LIPC: variants seen among roughly 807,000 people sequenced by gnomAD.
LIPC encodes the protein lipase C, hepatic type.
Under a neutral mutation model 50.7 loss-of-function variants are expected in LIPC, and 44 were observed. That is an observed-to-expected ratio of 0.87 (90% confidence interval 0.68 to 1.11). LIPC has a LOEUF of 1.11. LIPC is among the 50% of genes most tolerant of loss of function. The probability of loss-of-function intolerance (pLI) is 0.00; values close to 1 mark genes in which losing one functional copy is unlikely to be tolerated. For missense variants in LIPC, 697 were observed against 648.2 expected, an observed-to-expected ratio of 1.08 and a Z score of -0.82; for synonymous variants, 271 against 256.4, an observed-to-expected ratio of 1.06 and a Z score of -0.54.
intron 1 of LIPC, among the ~76,000 whole-genome samples, chr15:58,481,883 CCA>C (rs772551793): frequency 6.6e-6 from 1 of 152,148 alleles, no homozygotes; most frequent in Non-Finnish European, 1.5e-5. Context: ...AAGGTGCCAA[CCA>C]GTATGCATGG....
At chr15:58,457,845 T>C (rs1247058297) in intron 1 of LIPC, among the ~76,000 whole-genome samples, 3 of 152,184 alleles carry the variant, frequency 2.0e-5, no homozygotes, top group African/African-American at 7.2e-5. Context: ...CACAATTCCT[T>C]TTCCACTCTA....
intron 1 of LIPC, among the ~76,000 whole-genome samples, chr15:58,448,709 T>C (rs762471106): frequency 5.3e-5 from 8 of 152,222 alleles, no homozygotes; most frequent in Non-Finnish European, 1.2e-4. Context: ...AATGCTAGTA[T>C]TGTCCCCATT....
At chr15:58,484,710 TCCTACC>T (rs1164430462) in intron 1 of LIPC, among the ~76,000 whole-genome samples, 3 of 12,116 alleles carry the variant, frequency 2.5e-4, no homozygotes, top group Non-Finnish European at 4.9e-4. Context: ...GGGCCCACAC[TCCTACC>T]GTCGGGCCAC....
chr15:58,501,659 G>C (rs773069129), intron 1 of LIPC, among the ~76,000 whole-genome samples: 1 of 152,074 alleles, frequency 6.6e-6, no homozygotes, highest in African/African-American at 2.4e-5. Flanking sequence ...AACTTGCCGT[G>C]AATATATTTA....
At chr15:58,438,226 C>G (rs1165968469) in intron 1 of LIPC, among the ~76,000 whole-genome samples, 2 of 152,122 alleles carry the variant, frequency 1.3e-5, no homozygotes, top group African/African-American at 4.8e-5. Context: ...GTTGGCACAG[C>G]AGGGAGAGAG....
At chr15:58,523,549 G>A (rs1892715789) in intron 1 of LIPC, among the ~76,000 whole-genome samples, 1 of 151,648 alleles carries the variant, frequency 6.6e-6, no homozygotes, top group African/African-American at 2.4e-5. Flanking sequence ...TGCAGGGGTA[G>A]GTGAACAGCA....
intron 6 of LIPC, among the ~76,000 whole-genome samples, chr15:58,558,377 T>C (rs1221576754): frequency 2.6e-5 from 4 of 152,206 alleles, no homozygotes; most frequent in Admixed American, 6.5e-5. Context: ...GCCAGCTGTT[T>C]TCTTACTTCT....
intron 1 of LIPC, among the ~76,000 whole-genome samples, chr15:58,516,658 C>A (rs189319342): frequency 1.3e-5 from 2 of 152,272 alleles, no homozygotes; most frequent in African/African-American, 4.8e-5. Flanking sequence ...ATTTTTGAAT[C>A]TCTAGAAGTT....
intron 1 of LIPC, among the ~76,000 whole-genome samples, chr15:58,451,075 C>T (rs1193857623): frequency 1.3e-5 from 2 of 152,126 alleles, no homozygotes; most frequent in African/African-American, 4.8e-5. Context: ...GCTACCCTCC[C>T]CATCAAAGCC....
rs542380534 is a variant in LIPC at position 58,432,334 on chromosome 15, C to G, written c.88+214C>G. On this transcript the variant is annotated intron_variant, in intron 1 of 8. Coordinates refer to ENST00000299022, the MANE Select transcript of LIPC (RefSeq NM_000236.3). Reference sequence around the variant, plus strand: ...AAATCATCCTCGGATTAAAAGTCTTCTAAGAGTGCCTGCAGCTAGCAGTGA... The same window carrying G: ...AAATCATCCTCGGATTAAAAGTCTTGTAAGAGTGCCTGCAGCTAGCAGTGA... The G allele has an allele frequency of 6.0e-4, 353 of 592,936 alleles. 2 individuals carry two copies. The highest frequency in any genetic ancestry group is 3.4e-3 in the Middle Eastern group (8 of 2,376). 36.7% of individuals were successfully genotyped at this position (592,936 alleles called of 1,614,324 possible).
chr15:58,563,445 G>A, intron 7 of LIPC, 60 bp from the exon 8 acceptor site: 1 of 1,379,712 alleles, frequency 7.2e-7, no homozygotes, highest in Non-Finnish European at 1.0e-6. Context: ...GAATGTGTGT[G>A]ACCGTCACTT....
At chr15:58,565,246 C>T (rs1378552034) in intron 8 of LIPC, 2 of 1,535,620 alleles carry the variant, frequency 1.3e-6, no homozygotes, top group African/African-American at 2.7e-5. Flanking sequence ...GCTCTTCTCA[C>T]ATGACTCTTT....
At chr15:58,537,398 T>A (rs1213808893) in intron 1 of LIPC, among the ~76,000 whole-genome samples, 1 of 152,226 alleles carries the variant, frequency 6.6e-6, no homozygotes, top group African/African-American at 2.4e-5. Context: ...GAAGGTGATA[T>A]GTTAAAAACA....
At chr15:58,473,329 G>C (rs1286989792) in intron 1 of LIPC, among the ~76,000 whole-genome samples, 3 of 152,176 alleles carry the variant, frequency 2.0e-5, no homozygotes, top group Non-Finnish European at 4.4e-5. Context: ...ATTTCCGAAA[G>C]GAAAACAGTC....
At chr15:58,475,887 G>A (rs571101031) in intron 1 of LIPC, among the ~76,000 whole-genome samples, 1 of 152,202 alleles carries the variant, frequency 6.6e-6, no homozygotes, top group Admixed American at 6.5e-5. Context: ...CAGGAACTAC[G>A]TGAAGCTCTA....
At chr15:58,492,167 G>A (rs1891609717) in intron 1 of LIPC, among the ~76,000 whole-genome samples, 1 of 152,124 alleles carries the variant, frequency 6.6e-6, no homozygotes, top group African/African-American at 2.4e-5. Context: ...CAGATGGCCT[G>A]TGGCCCACCC....
intron 1 of LIPC, among the ~76,000 whole-genome samples, chr15:58,434,009 A>G (rs1015961034): frequency 7.2e-5 from 11 of 152,142 alleles, no homozygotes; most frequent in African/African-American, 1.9e-4. Context: ...TTCTACACCA[A>G]TGGTTCTCAA....
intron 1 of LIPC, among the ~76,000 whole-genome samples, chr15:58,450,443 C>G (rs1329114531): frequency 6.6e-6 from 1 of 152,140 alleles, no homozygotes; most frequent in Non-Finnish European, 1.5e-5. Flanking sequence ...CATTAGAGAC[C>G]AATCATGGGA....
chr15:58,450,449 T>C (rs1397424430), intron 1 of LIPC, among the ~76,000 whole-genome samples: 1 of 152,136 alleles, frequency 6.6e-6, no homozygotes, highest in Non-Finnish European at 1.5e-5. Context: ...AGACCAATCA[T>C]GGGAGAGATG....
Sources: allele counts gnomAD v4.1 joint callset (sites outside exome capture counted in the v4.1 genomes callset), GRCh38; gene constraint gnomAD v4.1.1; transcripts MANE v1.5; gene names NCBI Gene and HGNC (gene_info 2026-07-23, HGNC 2026-07-21).